The following PXYLP1 variants were observed in gnomAD, a reference collection of about 807,000 sequenced individuals.
PXYLP1 encodes the protein acid phosphatase-like 2.
A neutral mutation model predicts 37.9 loss-of-function variants in PXYLP1; 17 were observed. That is an observed-to-expected ratio of 0.45 (90% CI 0.31 to 0.67). PXYLP1 has a LOEUF of 0.67. Ranked by LOEUF, PXYLP1 falls within the 30% of genes least tolerant of loss-of-function variation. The probability of loss-of-function intolerance (pLI) is 0.07; values close to 1 mark genes in which losing one functional copy is unlikely to be tolerated. For missense variants in PXYLP1, 511 were observed against 612.0 expected, an observed-to-expected ratio of 0.84 and a Z score of 1.74; for synonymous variants, 221 against 232.2, an observed-to-expected ratio of 0.95 and a Z score of 0.44.
Position 141,293,428 on chromosome 3 carries a change from G to T in PXYLP1, c.*223G>T. ...ATGGCCAGTTCACAGAGGAATAGAA[G>T]GTACTTTATCATAGCCAGACTTCGC... On this transcript the variant is annotated 3_prime_UTR_variant, in exon 6 of 6. Coordinates refer to ENST00000286353, the MANE Select transcript of PXYLP1 (RefSeq NM_001037172.3). 3 of 554,248 alleles carry T rather than the reference G, an allele frequency of 5.4e-6. No individual in the cohort carries two copies. Among genetic ancestry groups the T allele is most frequent in the East Asian group, 3.0e-5 (1 of 33,492 alleles). The allele number at this position is 554,248 out of a possible 1,614,324, so 34.3% of individuals were successfully genotyped here.
chr3:141,293,159 G>C lies in PXYLP1; in HGVS notation c.1397G>C (p.Gly466Ala). 6.2e-7 allele frequency: 1 copy of C among 1,614,052 alleles called. No individual in the cohort carries two copies. The highest frequency in any genetic ancestry group is 8.5e-7 in the Non-Finnish European group (1 of 1,180,032). ...AGGGACATGTTTGTAGCCCTGGGTG[G>C]CAGTGGTACAAATTATTATGATGCA... Reference protein sequence around the residue: ...VKRDMFVALGGSGTNYYDACH... With the variant: ...VKRDMFVALGASGTNYYDACH... Residue 466 changes from glycine (G) to alanine (A), a missense_variant, in exon 6 of 6, where the codon GGC becomes GCC. By Grantham distance (60) the Gly-to-Ala change is moderately conservative. Transcript: ENST00000286353.
In PXYLP1 at chr3:141,279,445, A is replaced by G. The variant is rs781330329; in HGVS notation, c.306A>G (p.Pro102=). 7 of 1,614,056 alleles carry G rather than the reference A, an allele frequency of 4.3e-6. No individual in the cohort carries two copies. Among genetic ancestry groups the G allele is most frequent in the Non-Finnish European group, 5.9e-6 (7 of 1,180,028 alleles). Residue 102 remains proline (P), a synonymous_variant, in exon 4 of 6, where the codon CCA becomes CCG. Coordinates refer to ENST00000286353, the MANE Select transcript of PXYLP1 (RefSeq NM_001037172.3). ...TCATTCGCCACGGAGACAGGTACCC[A>G]CTGTATGTCATTCCCAAAACAAAGC... ...HVFIRHGDRY[P]LYVIPKTKRP...
At chr3:141,269,928 C>A (rs1303957109) in intron 2 of PXYLP1, among the ~76,000 whole-genome samples, 1 of 152,242 alleles carries the variant, frequency 6.6e-6, no homozygotes, top group Non-Finnish European at 1.5e-5. Flanking sequence ...GAGGCTGCAA[C>A]TGGGGCTCAA....
At chr3:141,264,086 G>A (rs1404795964) in intron 2 of PXYLP1, among the ~76,000 whole-genome samples, 1 of 152,180 alleles carries the variant, frequency 6.6e-6, no homozygotes, top group Non-Finnish European at 1.5e-5. Flanking sequence ...ACCCATATCT[G>A]GGGTTTCCCT....
intron 2 of PXYLP1, chr3:141,274,282 G>T (rs1289819224): frequency 5.3e-5 from 71 of 1,332,188 alleles, no homozygotes; most frequent in Non-Finnish European, 6.7e-5. Context: ...GCTCCTCCAG[G>T]CCCCTTCCCA....
At chr3:141,242,221 A>G (rs1419703062) in intron 1 of PXYLP1, among the ~76,000 whole-genome samples, 1 of 152,144 alleles carries the variant, frequency 6.6e-6, no homozygotes, top group East Asian at 1.9e-4. Context: ...GCCCTCGAGG[A>G]CACATTGAAA....
At chr3:141,278,578 G>C (rs951470174) in intron 3 of PXYLP1, 78 bp downstream of exon 3, 4 of 1,555,540 alleles carry the variant, frequency 2.6e-6, no homozygotes, top group Middle Eastern at 1.8e-4. Context: ...GCAGTAAGGA[G>C]CAAGATGGCC....
chr3:141,234,627 G>A (rs1487186453), intron 1 of PXYLP1, among the ~76,000 whole-genome samples: 9 of 152,146 alleles, frequency 5.9e-5, no homozygotes, highest in African/African-American at 2.2e-4. Context: ...TTGGTGTTTT[G>A]GGCCAGTGCT....
chr3:141,244,310 T>C (rs1253492164), intron 1 of PXYLP1, among the ~76,000 whole-genome samples: 1 of 152,190 alleles, frequency 6.6e-6, no homozygotes, highest in African/African-American at 2.4e-5. Flanking sequence ...ACATTCTATA[T>C]TGTAGCTTGT....
intron 1 of PXYLP1, among the ~76,000 whole-genome samples, chr3:141,241,266 G>C (rs979166208): frequency 6.6e-6 from 1 of 152,152 alleles, no homozygotes; most frequent in East Asian, 1.9e-4. Flanking sequence ...CTGTGATGGG[G>C]CTATTCCGTC....
intron 1 of PXYLP1, among the ~76,000 whole-genome samples, chr3:141,247,902 G>A (rs1032417827): frequency 6.6e-6 from 1 of 151,984 alleles, no homozygotes; most frequent in African/African-American, 2.4e-5. Context: ...AAAATTACTT[G>A]TGTCAACCAC....
chr3:141,242,321 C>G (rs973456636), intron 1 of PXYLP1, among the ~76,000 whole-genome samples: 2 of 152,090 alleles, frequency 1.3e-5, no homozygotes, highest in Admixed American at 1.3e-4. Flanking sequence ...CCATGGGGCC[C>G]GCTGGAGGCT....
Position 141,293,481 on chromosome 3 carries a change from G to C in PXYLP1, c.*276G>C. 2.5e-6 allele frequency: 1 copy of C among 406,976 alleles called. No individual in the cohort carries two copies. Among genetic ancestry groups the C allele is most frequent in the Non-Finnish European group, 4.4e-6 (1 of 228,020 alleles). The allele number at this position is 406,976 out of a possible 1,614,324, so 25.2% of individuals were successfully genotyped here. ...AGAATGCCAGAATAATATAGTTCAA[G>C]ACCTGAAGTTGCCAATCCAAGTTTG... On this transcript the variant is annotated 3_prime_UTR_variant, in exon 6 of 6. Transcript: ENST00000286353.
chr3:141,287,313 G>A lies in PXYLP1; in HGVS notation c.366-1G>A. 1 of 1,613,870 alleles carries A rather than the reference G, an allele frequency of 6.2e-7. No individual in the cohort carries two copies. The highest frequency in any genetic ancestry group is 8.5e-7 in the Non-Finnish European group (1 of 1,179,872). ...TCTAACTCTCTCTATCATCTCTCTA[G>A]GAAACCGTATCACCCAAAACTGGAA... is the stretch of plus-strand genomic sequence containing the variant. On this transcript the variant is annotated splice_acceptor_variant, in intron 4 of 5. Coordinates refer to ENST00000286353, the MANE Select transcript of PXYLP1 (RefSeq NM_001037172.3). LOFTEE classifies it high-confidence loss of function.
chr3:141,268,768 G>A (rs1019398927), intron 2 of PXYLP1, among the ~76,000 whole-genome samples: 4 of 152,178 alleles, frequency 2.6e-5, no homozygotes, highest in African/African-American at 4.8e-5. Flanking sequence ...CTGCCAGTGC[G>A]GCTGTCACAC....
intron 2 of PXYLP1, chr3:141,262,461 A>G: frequency 1.4e-6 from 1 of 701,782 alleles, no homozygotes; most frequent in Non-Finnish European, 2.0e-6. Context: ...ACAGGTTCTG[A>G]GACATGAATG....
chr3:141,258,479 C>A, intron 1 of PXYLP1: 1 of 153,712 alleles, frequency 6.5e-6, no homozygotes, highest in East Asian at 1.8e-4. Context: ...AGATGGTGAC[C>A]TGAAAATACA....
At chr3:141,244,813 G>A (rs768115541) in intron 1 of PXYLP1, among the ~76,000 whole-genome samples, 2 of 151,398 alleles carry the variant, frequency 1.3e-5, no homozygotes, top group African/African-American at 4.9e-5. Context: ...GTACATAGGC[G>A]GTAACACTTT....
chr3:141,264,036 C>T lies in PXYLP1; in HGVS notation c.79+3782C>T, dbSNP rs77922723. On this transcript the variant is annotated intron_variant, in intron 2 of 5. Coordinates refer to ENST00000286353, the MANE Select transcript of PXYLP1 (RefSeq NM_001037172.3). ...CATGCATTTGTTTTTAATCAGAGTG[C>T]GTTGGCCATGATGGGGTTAATTTAT... Among the ~76,000 whole-genome samples the T allele has an allele frequency of 4.8e-4, 73 of 152,292 alleles. No individual in the cohort carries two copies. The South Asian group carries it at 5.4e-3, about 11-fold the overall frequency.
Sources: gnomAD v4.1 joint callset for allele counts (sites outside exome capture counted in the v4.1 genomes callset) on GRCh38, gnomAD v4.1.1 for gene constraint, MANE v1.5 for transcripts, NCBI Gene and HGNC (gene_info 2026-07-23, HGNC 2026-07-21) for gene names.